SPIDR: variants seen among roughly 807,000 people sequenced by gnomAD.
The protein encoded by SPIDR is scaffold protein involved in DNA repair.
Under a neutral mutation model 104.6 loss-of-function variants are expected in SPIDR, and 93 were observed. The ratio of observed to expected loss-of-function variants is 0.89; its 90% CI spans 0.75 to 1.06. SPIDR has a LOEUF of 1.06. SPIDR is among the 50% of genes least tolerant of loss of function. The pLI, the probability that SPIDR is intolerant of heterozygous loss-of-function variation, is 0.00. For missense variants in SPIDR, 1,154 were observed against 1,111.2 expected (o/e 1.04, Z -0.55); for synonymous variants, 431 against 416.9 (o/e 1.03, Z -0.41).
chr8:47,370,613 A>AT lies in SPIDR; in HGVS notation c.526-25753dup, dbSNP rs550002200. 8.6e-3 allele frequency among the ~76,000 whole-genome samples: 1,275 copies of AT among 147,514 alleles called. 7 individuals are homozygous for AT. The highest frequency in any genetic ancestry group is 0.028 in the Middle Eastern group (8 of 288). Reference sequence around the variant, plus strand: ...AGGTGCGCGCCATCATGTCTGGCTAATTTTTTTTTTATCTTTAATAGAGAC... The same window carrying AT: ...AGGTGCGCGCCATCATGTCTGGCTAATTTTTTTTTTTATCTTTAATAGAGAC... On this transcript the variant is annotated intron_variant, in intron 5 of 19. Transcript: ENST00000297423.
chr8:47,473,688 A>T (rs1260407740), intron 8 of SPIDR, among the ~76,000 whole-genome samples: 3 of 152,136 alleles, frequency 2.0e-5, no homozygotes, highest in African/African-American at 7.2e-5. Context: ...GAGCTTCTGG[A>T]GTGCAGGCAA....
At chr8:47,312,683 C>G (rs1310637316) in intron 5 of SPIDR, among the ~76,000 whole-genome samples, 4 of 152,276 alleles carry the variant, frequency 2.6e-5, no homozygotes, top group Admixed American at 6.5e-5. Flanking sequence ...CCTGTTCACT[C>G]TGATGGTAGT....
At chr8:47,516,874 T>G (rs2083245851) in intron 8 of SPIDR, among the ~76,000 whole-genome samples, 1 of 152,170 alleles carries the variant, frequency 6.6e-6, no homozygotes, top group Non-Finnish European at 1.5e-5. Flanking sequence ...GTTGCATCAT[T>G]TTATATTCCT....
At chr8:47,275,230 GCC>G (rs2036168028) in intron 1 of SPIDR, among the ~76,000 whole-genome samples, 1 of 151,672 alleles carries the variant, frequency 6.6e-6, no homozygotes, top group African/African-American at 2.4e-5. Context: ...CTGCACTCCA[GCC>G]TGGGGGAGAG....
chr8:47,454,827 G>A (rs2072636812), intron 8 of SPIDR, among the ~76,000 whole-genome samples: 1 of 151,912 alleles, frequency 6.6e-6, no homozygotes, highest in Non-Finnish European at 1.5e-5. Context: ...GAGCATGTGT[G>A]TGAACAGCCA....
At chr8:47,315,097 C>A (rs1053512127) in intron 5 of SPIDR, among the ~76,000 whole-genome samples, 3 of 151,774 alleles carry the variant, frequency 2.0e-5, no homozygotes, top group Non-Finnish European at 4.4e-5. Flanking sequence ...TTTGTATATA[C>A]CTAATAAGAT....
At chr8:47,719,867 C>G (rs970368385) in intron 16 of SPIDR, among the ~76,000 whole-genome samples, 8 of 152,228 alleles carry the variant, frequency 5.3e-5, no homozygotes, top group African/African-American at 1.9e-4. Flanking sequence ...CCCATGCCCC[C>G]CCACACCCAG....
At position 47,735,482 on chromosome 8, in the gene SPIDR, G is replaced by A; in HGVS notation, c.*32G>A. The A allele has an allele frequency of 6.2e-7, 1 of 1,614,158 alleles. No individual in the cohort carries two copies. Among genetic ancestry groups the A allele is most frequent in the East Asian group, 2.2e-5 (1 of 44,890 alleles). On this transcript the variant is annotated 3_prime_UTR_variant, in exon 20 of 20. Transcript: ENST00000297423. ...CCGCAGGATCTGTGAACTTTGCAAT[G>A]TGGCTGCAAGGGTGGTGGTGGTGGT...
At chr8:47,419,418 A>G (rs572754141) in intron 7 of SPIDR, 8 of 152,262 alleles carry the variant, frequency 5.3e-5, no homozygotes, top group African/African-American at 1.9e-4. Flanking sequence ...AGGTGTCTAT[A>G]TTATTCTCTG....
At chr8:47,686,294 G>A (rs1038998303) in intron 11 of SPIDR, among the ~76,000 whole-genome samples, 3 of 152,166 alleles carry the variant, frequency 2.0e-5, no homozygotes, top group Non-Finnish European at 4.4e-5. Flanking sequence ...TGATTCAGAA[G>A]CAGAATAGAA....
At chr8:47,595,769 C>T in intron 8 of SPIDR, 42 bp from the exon 9 acceptor site, 1 of 1,585,608 alleles carries the variant, frequency 6.3e-7, no homozygotes, top group Non-Finnish European at 8.6e-7. Context: ...GAGGGGACCC[C>T]AATATTGCAA....
At chr8:47,517,147 G>A (rs1350384136) in intron 8 of SPIDR, among the ~76,000 whole-genome samples, 5 of 152,006 alleles carry the variant, frequency 3.3e-5, no homozygotes, top group Non-Finnish European at 5.9e-5. Context: ...ACCACGCCCA[G>A]CTAATTTTTT....
chr8:47,329,232 G>T (rs151066249), intron 5 of SPIDR, among the ~76,000 whole-genome samples: 3 of 152,000 alleles, frequency 2.0e-5, no homozygotes, highest in African/African-American at 7.2e-5. Context: ...CACCACGCCC[G>T]GCTGATTTTT....
At chr8:47,637,653 TAGG>T (rs1263646648) in intron 10 of SPIDR, among the ~76,000 whole-genome samples, 1 of 152,214 alleles carries the variant, frequency 6.6e-6, no homozygotes, top group Non-Finnish European at 1.5e-5. Context: ...TACGTGTTCT[TAGG>T]AGGAAAACCA....
intron 1 of SPIDR, among the ~76,000 whole-genome samples, chr8:47,264,150 A>G (rs782768347): frequency 2.6e-5 from 4 of 152,224 alleles, no homozygotes; most frequent in Non-Finnish European, 5.9e-5. Context: ...ACACAGATAT[A>G]TCACGACTCT....
intron 8 of SPIDR, among the ~76,000 whole-genome samples, chr8:47,475,629 G>T (rs2076196246): frequency 6.6e-6 from 1 of 152,128 alleles, no homozygotes; most frequent in African/African-American, 2.4e-5. Context: ...TTCTGTGAAA[G>T]AAAAATTATA....
chr8:47,466,706 C>CAAAAAAAAAAA lies in SPIDR; in HGVS notation c.1097+26166_1097+26176dup, dbSNP rs78296344. 2.5e-3 allele frequency among the ~76,000 whole-genome samples: 331 copies of CAAAAAAAAAAA among 134,870 alleles called. 1 individual carries two copies. The highest frequency in any genetic ancestry group is 0.011 in the South Asian group (48 of 4,276). 88.5% of individuals were successfully genotyped at this position (134,870 alleles called of 152,430 possible). On this transcript the variant is annotated intron_variant, in intron 8 of 19. Transcript: ENST00000297423. ...TGAAACCCCGTCTCTACGAAAAATA[C>CAAAAAAAAAAA]AAAAAAAAAAAAGTTAGATTCCAAT...
intron 19 of SPIDR, 49 bp from the exon 20 acceptor site, chr8:47,735,258 G>C (rs775564726): frequency 5.0e-6 from 8 of 1,586,658 alleles, no homozygotes; most frequent in Non-Finnish European, 6.1e-6. Context: ...GTTGGGAACA[G>C]TACGTCCCAG....
chr8:47,346,919 AT>A (rs1195841111), intron 5 of SPIDR, among the ~76,000 whole-genome samples: 2 of 151,730 alleles, frequency 1.3e-5, no homozygotes, highest in African/African-American at 4.8e-5. Context: ...GGATTCATTG[AT>A]TTTTTGAAGG....
Sources: gnomAD v4.1 joint callset for allele counts (sites outside exome capture counted in the v4.1 genomes callset) on GRCh38, gnomAD v4.1.1 for gene constraint, MANE v1.5 for transcripts, NCBI Gene and HGNC (gene_info 2026-07-23, HGNC 2026-07-21) for gene names.